NDUFS6: variants seen among roughly 807,000 people sequenced by gnomAD.
NDUFS6 encodes the protein NADH dehydrogenase [ubiquinone] iron-sulfur protein 6, mitochondrial.
A neutral mutation model predicts 13.2 loss-of-function variants in NDUFS6; 14 were observed. That is an observed-to-expected ratio of 1.06 (90% CI 0.70 to 1.66). The LOEUF (loss-of-function observed/expected upper bound fraction) is 1.66, where lower values mean the gene tolerates loss of function less well. Among genes scored for constraint, NDUFS6 ranks in the 40% most tolerant of loss-of-function variants. The pLI is 0.00. For missense variants in NDUFS6, 206 were observed against 170.8 expected (o/e 1.21, Z -1.15); for synonymous variants, 95 against 72.3 (o/e 1.31, Z -1.60).
rs926126538 is a variant in NDUFS6 at position 1,814,681 on chromosome 5, C to A, written c.309+220C>A. ...CCCCTTTCAACTGTGAAGTGGTGGG[C>A]GGCATGTTTCTCTTCTCGGACGCCC... is the stretch of plus-strand genomic sequence containing the variant. On this transcript the variant is annotated intron_variant, in intron 3 of 3. Coordinates refer to ENST00000274137, the MANE Select transcript of NDUFS6 (RefSeq NM_004553.6). The surrounding 1 kb of genome is among the most constrained non-coding windows in gnomAD (Gnocchi z 4.9). The A allele has an allele frequency of 2.7e-6, 2 of 749,736 alleles. No homozygotes were observed. The highest frequency in any genetic ancestry group is 3.4e-5 in the African/African-American group (2 of 58,086). 46.4% of individuals were successfully genotyped at this position (749,736 alleles called of 1,614,324 possible).
Position 1,814,649 on chromosome 5 carries a change from C to T in NDUFS6, c.309+188C>T, listed in dbSNP as rs766605712. On this transcript the variant is annotated intron_variant, in intron 3 of 3. Transcript: ENST00000274137. This position sits in a 1 kb window ranked among gnomAD's most constrained non-coding sequence, Gnocchi z 4.9. Reference sequence around the variant, plus strand: ...CAGGGCCTACATAGAGCCGCCTGTCCGAAAACCCCCTTTCAACTGTGAAGT... The same window carrying T: ...CAGGGCCTACATAGAGCCGCCTGTCTGAAAACCCCCTTTCAACTGTGAAGT... The T allele has an allele frequency of 2.9e-4, 256 of 892,828 alleles. No homozygotes were observed. The highest frequency in any genetic ancestry group is 1.0e-3 in the Admixed American group (51 of 50,232). 55.3% of individuals were successfully genotyped at this position (892,828 alleles called of 1,614,324 possible).
Position 1,814,526 on chromosome 5 carries a change from C to T in NDUFS6, c.309+65C>T, listed in dbSNP as rs1734273094. 6.2e-7 allele frequency: 1 copy of T among 1,611,840 alleles called. No homozygotes were observed. Among genetic ancestry groups the T allele is most frequent in the Admixed American group, 1.7e-5 (1 of 59,816 alleles). On this transcript the variant is annotated intron_variant, in intron 3 of 3. Transcript: ENST00000274137. This position sits in a 1 kb window ranked among gnomAD's most constrained non-coding sequence, Gnocchi z 4.9. ...GCTCGTCCTCATACTCCCCTTCACTCCCAGTGCCTGTTCTTTCTGTCCTCT... is the reference window on the plus strand; with the variant it reads ...GCTCGTCCTCATACTCCCCTTCACTTCCAGTGCCTGTTCTTTCTGTCCTCT...
chr5:1,807,150 C>CCGCG (rs1734138293), intron 2 of NDUFS6, among the ~76,000 whole-genome samples: 4 of 152,048 alleles, frequency 2.6e-5, no homozygotes, highest in African/African-American at 9.7e-5. Flanking sequence ...CTCAGAGGTA[C>CCGCG]TGCGTGAGGT....
At chr5:1,812,924 G>A (rs1734242257) in intron 2 of NDUFS6, among the ~76,000 whole-genome samples, 2 of 152,140 alleles carry the variant, frequency 1.3e-5, no homozygotes, top group Non-Finnish European at 2.9e-5. Flanking sequence ...GTGGTGGCGG[G>A]TGCCTGTAAT....
At chr5:1,810,383 C>T (rs563047325) in intron 2 of NDUFS6, among the ~76,000 whole-genome samples, 1 of 152,120 alleles carries the variant, frequency 6.6e-6, no homozygotes, top group Non-Finnish European at 1.5e-5. Flanking sequence ...GCACAGATGC[C>T]GGCGCTCTAC....
intron 2 of NDUFS6, 61 bp downstream of exon 2, chr5:1,802,435 G>A (rs1734062713): frequency 7.3e-7 from 1 of 1,368,908 alleles, no homozygotes; most frequent in East Asian, 2.4e-5. Flanking sequence ...TAACCAACAA[G>A]AAATAAAAAT....
At chr5:1,805,730 A>G (rs1030412256) in intron 2 of NDUFS6, among the ~76,000 whole-genome samples, 2 of 152,214 alleles carry the variant, frequency 1.3e-5, no homozygotes, top group Non-Finnish European at 2.9e-5. Context: ...AGCAGATATG[A>G]CTTGTCCCCT....
intron 2 of NDUFS6, among the ~76,000 whole-genome samples, chr5:1,811,650 C>T (rs1045512626): frequency 3.3e-5 from 5 of 152,220 alleles, no homozygotes; most frequent in Non-Finnish European, 7.3e-5. Flanking sequence ...GAGTCACCCA[C>T]AGCTGGATTC....
At position 1,806,744 on chromosome 5, in the gene NDUFS6, C is replaced by T. The variant is rs534099384; in HGVS notation, c.186+4370C>T. 6.6e-5 allele frequency among the ~76,000 whole-genome samples: 10 copies of T among 152,240 alleles called. No homozygotes were observed. In the South Asian group the frequency reaches 8.3e-4, roughly 13 times the overall value. On this transcript the variant is annotated intron_variant, in intron 2 of 3. Coordinates refer to ENST00000274137, the MANE Select transcript of NDUFS6 (RefSeq NM_004553.6). ...ATGGCACAGCCGTGAAGGAAAACAG[C>T]GTGTGGGTTCCTCAAAAAGTTGAAA...
chr5:1,803,613 T>C (rs1734081870), intron 2 of NDUFS6, among the ~76,000 whole-genome samples: 1 of 152,274 alleles, frequency 6.6e-6, no homozygotes, highest in South Asian at 2.1e-4. Flanking sequence ...TATCACACTG[T>C]CAGTTGTCGA....
chr5:1,814,577 T>A lies in NDUFS6; in HGVS notation c.309+116T>A, dbSNP rs753097358. 4 of 1,503,818 alleles carry A rather than the reference T, an allele frequency of 2.7e-6. No individual in the cohort carries two copies. The highest frequency in any genetic ancestry group is 3.6e-6 in the Non-Finnish European group (4 of 1,103,082). The allele number at this position is 1,503,818 out of a possible 1,614,324, so 93.2% of individuals were successfully genotyped here. A position where few individuals can be genotyped will look rare whatever the true frequency, so the allele number is the denominator to read the frequency against. Reference sequence around the variant, plus strand: ...TCTCTACCTGCTCCCGAGGCGGCCCTTACGGGGTTCACACTGCTGGCACAT... The same window carrying A: ...TCTCTACCTGCTCCCGAGGCGGCCCATACGGGGTTCACACTGCTGGCACAT... On this transcript the variant is annotated intron_variant, in intron 3 of 3. Transcript: ENST00000274137. This position sits in a 1 kb window ranked among gnomAD's most constrained non-coding sequence, Gnocchi z 4.9.
chr5:1,803,717 C>T (rs1367294096), intron 2 of NDUFS6, among the ~76,000 whole-genome samples: 1 of 152,196 alleles, frequency 6.6e-6, no homozygotes, highest in Non-Finnish European at 1.5e-5. Flanking sequence ...CCAGTAGAAG[C>T]ATCTGTTCCA....
intron 2 of NDUFS6, among the ~76,000 whole-genome samples, chr5:1,804,050 G>A (rs181300772): frequency 6.9e-4 from 105 of 152,356 alleles, no homozygotes; most frequent in Admixed American, 4.6e-4. Flanking sequence ...GGCAGTGACC[G>A]TGGTGACGGA....
intron 2 of NDUFS6, among the ~76,000 whole-genome samples, chr5:1,806,582 G>A (rs1734126293): frequency 6.6e-6 from 1 of 152,218 alleles, no homozygotes; most frequent in South Asian, 2.1e-4. Context: ...TGAGAAGAGT[G>A]TGTAGATTTC....
chr5:1,808,219 G>A (rs543871339), intron 2 of NDUFS6, among the ~76,000 whole-genome samples: 13 of 152,170 alleles, frequency 8.5e-5, no homozygotes, highest in Non-Finnish European at 1.6e-4. Context: ...CAACCTGGGC[G>A]TCCTTTAGGG....
At chr5:1,801,657 A>T in intron 1 of NDUFS6, 108 bp downstream of exon 1, 2 of 1,464,864 alleles carry the variant, frequency 1.4e-6, no homozygotes, top group Non-Finnish European at 9.1e-7. Flanking sequence ...CCGGCAGCGC[A>T]GGTCGTGGTA....
intron 2 of NDUFS6, among the ~76,000 whole-genome samples, chr5:1,803,540 G>C (rs778598341): frequency 1.3e-5 from 2 of 152,234 alleles, no homozygotes; most frequent in African/African-American, 2.4e-5. Flanking sequence ...CATGGGTTCA[G>C]TTTTCTCATT....
intron 1 of NDUFS6, 101 bp from the exon 2 acceptor site, chr5:1,802,220 A>G: frequency 8.5e-7 from 1 of 1,175,568 alleles, no homozygotes. Flanking sequence ...AATGGCCTAA[A>G]AGTTAAGAAA....
chr5:1,811,008 G>A (rs1480919196), intron 2 of NDUFS6, among the ~76,000 whole-genome samples: 2 of 152,200 alleles, frequency 1.3e-5, no homozygotes, highest in African/African-American at 2.4e-5. Context: ...CCTGCTCTAC[G>A]TGAAGATGAT....
Sources: allele counts gnomAD v4.1 joint callset (sites outside exome capture counted in the v4.1 genomes callset), GRCh38; gene constraint gnomAD v4.1.1; non-coding constraint Gnocchi (gnomAD v3.1); transcripts MANE v1.5; gene names NCBI Gene and HGNC (gene_info 2026-07-23, HGNC 2026-07-21).